LRP12: variants seen among roughly 807,000 people sequenced by gnomAD.
LRP12 encodes low-density lipoprotein receptor-related protein 12.
Under a neutral mutation model 66.0 loss-of-function variants are expected in LRP12, and 14 were observed. The observed-to-expected ratio is 0.21, with a 90% CI of 0.14 to 0.33. LRP12 has a LOEUF of 0.33. LRP12 is among the 10% of genes least tolerant of loss of function. LRP12 has a pLI of 1.00. For synonymous variants in LRP12, 357 were observed against 359.1 expected, an observed-to-expected ratio of 0.99 and a Z score of 0.07; for missense variants, 889 against 1,053.4, an observed-to-expected ratio of 0.84 and a Z score of 2.16.
intron 1 of LRP12, among the ~76,000 whole-genome samples, chr8:104,534,450 T>C (rs897919423): frequency 6.6e-6 from 1 of 152,028 alleles, no homozygotes; most frequent in Non-Finnish European, 1.5e-5. Context: ...CTTTAAAAAT[T>C]TTATTTATAT....
chr8:104,582,871 T>C (rs1414038616), intron 1 of LRP12, among the ~76,000 whole-genome samples: 1 of 152,182 alleles, frequency 6.6e-6, no homozygotes, highest in Non-Finnish European at 1.5e-5. Context: ...TCCTCTTCAC[T>C]GATGATCTTA....
intron 3 of LRP12, among the ~76,000 whole-genome samples, chr8:104,500,158 A>T (rs889978286): frequency 6.6e-6 from 1 of 152,194 alleles, no homozygotes; most frequent in Non-Finnish European, 1.5e-5. Flanking sequence ...CAAATAAATA[A>T]ATGCACACAG....
chr8:104,527,537 A>G (rs1554708380), intron 2 of LRP12, among the ~76,000 whole-genome samples: 2 of 151,404 alleles, frequency 1.3e-5, no homozygotes, highest in Non-Finnish European at 2.9e-5. Flanking sequence ...TTGTAGGGAC[A>G]TGGATGAAAT....
chr8:104,516,609 T>C (rs1811075219), intron 2 of LRP12, among the ~76,000 whole-genome samples: 1 of 152,102 alleles, frequency 6.6e-6, no homozygotes, highest in Non-Finnish European at 1.5e-5. Flanking sequence ...TGAAGACTTC[T>C]TGTTTTTACT....
intron 1 of LRP12, among the ~76,000 whole-genome samples, chr8:104,535,983 G>C (rs1211589053): frequency 6.6e-6 from 1 of 152,060 alleles, no homozygotes; most frequent in African/African-American, 2.4e-5. Flanking sequence ...AAATGAAAAT[G>C]CTCAGCTTCC....
chr8:104,525,689 T>C (rs993734612), intron 2 of LRP12, among the ~76,000 whole-genome samples: 5 of 152,102 alleles, frequency 3.3e-5, no homozygotes, highest in African/African-American at 1.2e-4. Context: ...TAAGACCATA[T>C]TATATAAGAG....
chr8:104,575,928 C>T (rs1169320579), intron 1 of LRP12, among the ~76,000 whole-genome samples: 6 of 152,098 alleles, frequency 3.9e-5, no homozygotes, highest in Non-Finnish European at 1.5e-5. Flanking sequence ...AAGAATGTAA[C>T]AGACCTGATA....
At chr8:104,541,201 T>C (rs1448272878) in intron 1 of LRP12, among the ~76,000 whole-genome samples, 1 of 152,208 alleles carries the variant, frequency 6.6e-6, no homozygotes, top group African/African-American at 2.4e-5. Context: ...CACATGCTCC[T>C]AGTATTCAGA....
rs375364628 is a variant in LRP12, at chr8:104,499,285, C to T, written c.475+32G>A. The T allele has an allele frequency of 1.2e-5, 19 of 1,542,018 alleles. 1 individual carries two copies. The East Asian group carries it at 1.6e-4, about 13-fold the overall frequency. ...ACAGAGCAGTTAATACCATAAAATT[C>T]AGTTCAATATCTTTCTTATTTAAAA... On this transcript the variant is annotated intron_variant, in intron 4 of 6. Coordinates refer to ENST00000276654, the MANE Select transcript of LRP12 (RefSeq NM_013437.5).
rs748082860 is a variant in LRP12, at chr8:104,572,643, G to A, written c.79+16176C>T. Among the ~76,000 whole-genome samples the A allele has an allele frequency of 2.3e-4, 35 of 151,700 alleles. 1 individual carries two copies. Among genetic ancestry groups the A allele is most frequent in the Non-Finnish European group, 2.9e-4 (20 of 67,946 alleles). ...GGAATGACTATGGTGATATAATCAC[G>A]GATGTAGAAAATATTTTAAAAATAA... On this transcript the variant is annotated intron_variant, in intron 1 of 6. Coordinates refer to ENST00000276654, the MANE Select transcript of LRP12 (RefSeq NM_013437.5).
intron 1 of LRP12, among the ~76,000 whole-genome samples, chr8:104,549,441 C>T (rs147807953): frequency 7.1e-5 from 9 of 127,534 alleles, no homozygotes; most frequent in African/African-American, 1.2e-4. Context: ...CTTGCTCTGT[C>T]GCCCAGGCTG....
At chr8:104,565,580 C>G (rs183579353) in intron 1 of LRP12, among the ~76,000 whole-genome samples, 43 of 152,182 alleles carry the variant, frequency 2.8e-4, no homozygotes, top group African/African-American at 1.0e-3. Flanking sequence ...ACAACCCAGG[C>G]CGGGCGCGGT....
intron 1 of LRP12, among the ~76,000 whole-genome samples, chr8:104,534,335 T>C (rs1055754924): frequency 2.0e-5 from 3 of 152,020 alleles, no homozygotes; most frequent in Non-Finnish European, 2.9e-5. Flanking sequence ...AGCCTAAGGG[T>C]ATAACACTGA....
chr8:104,588,256 C>G (rs1002204206), intron 1 of LRP12, among the ~76,000 whole-genome samples: 1 of 152,156 alleles, frequency 6.6e-6, no homozygotes, highest in Non-Finnish European at 1.5e-5. Context: ...CCAACAGGAC[C>G]CTGCACGCCC....
At chr8:104,517,712 T>G (rs950025738) in intron 2 of LRP12, among the ~76,000 whole-genome samples, 5 of 152,074 alleles carry the variant, frequency 3.3e-5, no homozygotes, top group African/African-American at 1.2e-4. Flanking sequence ...GAGTACTGTA[T>G]AGAGTGTATT....
At position 104,497,701 on chromosome 8, in the gene LRP12, T is replaced by C. The variant is rs371569837; in HGVS notation, c.851A>G (p.Asn284Ser). Reference sequence around the variant, plus strand: ...ACCAGTGTCTATTAACCAGGTGCAATTGCTTCCAGGAGGATAAAAGTCTGG... The same window carrying C: ...ACCAGTGTCTATTAACCAGGTGCAACTGCTTCCAGGAGGATAAAAGTCTGG... The part of the protein sequence containing the change: ...NYPDFYPPGS[N>S]CTWLIDTGDH... The change falls in exon 5 of 7, where the codon AAT becomes AGT. Residue 284 changes from asparagine to serine, a missense_variant. Physicochemically the swap from Asn to Ser is conservative, Grantham distance 46. Transcript: ENST00000276654. This position sits in a 1 kb window ranked among gnomAD's most constrained non-coding sequence, Gnocchi z 4.3. The C allele has an allele frequency of 2.5e-6, 4 of 1,613,978 alleles. No homozygotes were observed. The highest frequency in any genetic ancestry group is 2.2e-5 in the East Asian group (1 of 44,874).
chr8:104,555,800 A>T (rs1811798114), intron 1 of LRP12, among the ~76,000 whole-genome samples: 1 of 152,120 alleles, frequency 6.6e-6, no homozygotes, highest in African/African-American at 2.4e-5. Context: ...ACTATACCCT[A>T]AAACAAATGG....
intron 2 of LRP12, among the ~76,000 whole-genome samples, chr8:104,513,231 T>C (rs1811022820): frequency 6.6e-6 from 1 of 152,242 alleles, no homozygotes; most frequent in South Asian, 2.1e-4. Context: ...TGCCTATGTA[T>C]ACTGGCAGAT....
At chr8:104,582,859 C>G (rs942154006) in intron 1 of LRP12, among the ~76,000 whole-genome samples, 12 of 152,140 alleles carry the variant, frequency 7.9e-5, no homozygotes, top group Non-Finnish European at 1.8e-4. Flanking sequence ...ACTTCTCATT[C>G]CTCCTCTTCA....
Sources: gnomAD v4.1 joint callset for allele counts (sites outside exome capture counted in the v4.1 genomes callset) on GRCh38, gnomAD v4.1.1 for gene constraint, Gnocchi (gnomAD v3.1) non-coding constraint, MANE v1.5 for transcripts, NCBI Gene and HGNC (gene_info 2026-07-23, HGNC 2026-07-21) for gene names.